The following MLPH variants were observed in gnomAD, a reference collection of about 807,000 sequenced individuals.
The protein encoded by MLPH is melanophilin, also known as exophilin-3.
A neutral mutation model predicts 72.1 loss-of-function variants in MLPH; 51 were observed. The observed-to-expected ratio is 0.71, with a 90% CI of 0.56 to 0.89. The LOEUF (loss-of-function observed/expected upper bound fraction) is 0.89. Ranked by LOEUF, MLPH falls within the 40% of genes least tolerant of loss-of-function variation. MLPH has a pLI of 0.00. For missense variants in MLPH, 743 were observed against 759.9 expected (o/e 0.98, Z 0.26); for synonymous variants, 301 against 310.1 (o/e 0.97, Z 0.31).
At chr2:237,509,106 G>A (rs564739873) in intron 2 of MLPH, among the ~76,000 whole-genome samples, 1 of 152,302 alleles carries the variant, frequency 6.6e-6, no homozygotes, top group Non-Finnish European at 1.5e-5. Context: ...GCTGGCAGAT[G>A]TCATTTGGTC....
chr2:237,551,586 G>A (rs1301082591), intron 14 of MLPH, among the ~76,000 whole-genome samples: 1 of 152,240 alleles, frequency 6.6e-6, no homozygotes, highest in African/African-American at 2.4e-5. Flanking sequence ...AGGATGTGAG[G>A]CCAGATGCCC....
intron 2 of MLPH, among the ~76,000 whole-genome samples, chr2:237,509,100 G>T (rs1457139057): frequency 2.6e-5 from 4 of 152,134 alleles, no homozygotes; most frequent in Non-Finnish European, 4.4e-5. Flanking sequence ...GGAGTGGCTG[G>T]CAGATGTCAT....
chr2:237,527,955 G>A (rs772192641), intron 8 of MLPH, among the ~76,000 whole-genome samples: 6 of 152,204 alleles, frequency 3.9e-5, no homozygotes, highest in Non-Finnish European at 7.3e-5. Flanking sequence ...CCCTAAAAAG[G>A]AAAGAAACGC....
chr2:237,492,395 A>G (rs1436924949), intron 1 of MLPH, among the ~76,000 whole-genome samples: 1 of 151,938 alleles, frequency 6.6e-6, no homozygotes, highest in Non-Finnish European at 1.5e-5. Flanking sequence ...TGGGAGGCCA[A>G]GGCAGAAGGA....
In MLPH at chr2:237,540,126, C is replaced by G. The variant is rs1376264768; in HGVS notation, c.1105-222C>G. ...GTCTTAGATAGCCAGGGGTGGTGGTCAGCTTTCCCTGGGAACCCCCAGCCC... is the reference window on the plus strand; with the variant it reads ...GTCTTAGATAGCCAGGGGTGGTGGTGAGCTTTCCCTGGGAACCCCCAGCCC... On this transcript the variant is annotated intron_variant, in intron 9 of 15. Transcript: ENST00000264605. 2.0e-5 allele frequency among the ~76,000 whole-genome samples: 3 copies of G among 152,224 alleles called. No individual in the cohort carries two copies. In the East Asian group the frequency reaches 5.8e-4, roughly 29 times the overall value.
chr2:237,533,390 CTTT>C (rs746139615), intron 8 of MLPH, among the ~76,000 whole-genome samples: 1,289 of 107,976 alleles, frequency 0.012, 6 homozygotes, highest in African/African-American at 0.033. Context: ...ATTTTCTTTT[CTTT>C]TTTTTTTTTT....
At chr2:237,550,469 G>C (rs1412876045) in intron 14 of MLPH, among the ~76,000 whole-genome samples, 1 of 152,218 alleles carries the variant, frequency 6.6e-6, no homozygotes, top group Non-Finnish European at 1.5e-5. Context: ...GCTGCCAGCA[G>C]GGGCTCCTGG....
chr2:237,498,802 A>G (rs929717423), intron 2 of MLPH, among the ~76,000 whole-genome samples: 3 of 152,240 alleles, frequency 2.0e-5, no homozygotes, highest in Non-Finnish European at 4.4e-5. Flanking sequence ...AGTGCTGTGC[A>G]CCATAGAATC....
At chr2:237,531,850 G>C (rs1436343091) in intron 8 of MLPH, among the ~76,000 whole-genome samples, 1 of 152,052 alleles carries the variant, frequency 6.6e-6, no homozygotes, top group African/African-American at 2.4e-5. Flanking sequence ...ACCTTGCAAA[G>C]GAACAGTGAC....
At chr2:237,521,561 C>T (rs1282491356) in intron 6 of MLPH, among the ~76,000 whole-genome samples, 1 of 151,798 alleles carries the variant, frequency 6.6e-6, no homozygotes, top group Non-Finnish European at 1.5e-5. Context: ...TTATAAGGCC[C>T]AGCTGACTTG....
At position 237,554,676 on chromosome 2, in the gene MLPH, G is replaced by C. The variant is rs1459256892; in HGVS notation, c.*1084G>C. The C allele has an allele frequency of 6.6e-6, 1 of 152,262 alleles. No homozygotes were observed. The highest frequency in any genetic ancestry group is 2.4e-5 in the African/African-American group (1 of 41,458). 9.4% of individuals were successfully genotyped at this position (152,262 alleles called of 1,614,324 possible). On this transcript the variant is annotated 3_prime_UTR_variant, in exon 16 of 16. Transcript: ENST00000264605. ...TTTGTCAGAGGGGGTGCTGAGAGGA[G>C]TGGCTTCTTTTAGAATCAAACAGTA...
intron 2 of MLPH, among the ~76,000 whole-genome samples, chr2:237,498,344 C>T (rs773295694): frequency 1.3e-5 from 2 of 152,220 alleles, no homozygotes; most frequent in South Asian, 2.1e-4. Flanking sequence ...GCATCAATCA[C>T]GTTGAAGGAC....
Position 237,505,978 on chromosome 2 carries a change from C to T in MLPH, c.111-4596C>T. On this transcript the variant is annotated intron_variant, in intron 2 of 15. Coordinates refer to ENST00000264605, the MANE Select transcript of MLPH (RefSeq NM_024101.7). This position sits in a 1 kb window ranked among gnomAD's most constrained non-coding sequence, Gnocchi z 4.5. ...TCCAGGGCTCTGTCTCCCCTGGGAG[C>T]TCACTTTCTCGGCCTTTGCCATCAT... 8.3e-6 allele frequency among the ~76,000 whole-genome samples: 1 copy of T among 120,200 alleles called. No homozygotes were observed. The highest frequency in any genetic ancestry group is 8.5e-5 in the African/African-American group (1 of 11,784). The allele number at this position is 120,200 out of a possible 152,430, so 78.9% of individuals were successfully genotyped here.
intron 2 of MLPH, among the ~76,000 whole-genome samples, chr2:237,497,514 CTT>C (rs2079559211): frequency 6.6e-6 from 1 of 152,214 alleles, no homozygotes; most frequent in East Asian, 1.9e-4. Context: ...GTGCAGGTGA[CTT>C]GAGCACCGCA....
chr2:237,553,420 C>T, intron 15 of MLPH, 146 bp from the exon 16 acceptor site: 1 of 815,604 alleles, frequency 1.2e-6, no homozygotes, highest in Non-Finnish European at 2.0e-6. Context: ...TGCATGTGTG[C>T]ACAAACGTGT....
At position 237,512,850 on chromosome 2, in the gene MLPH, G is replaced by A. The variant is rs768752351; in HGVS notation, c.445+1749G>A. Reference sequence around the variant, plus strand: ...TTTCAAAGGACGCAGTGTTTCCACAGCTCAGCCCAGAGCTGCTGGAGTTCA... The same window carrying A: ...TTTCAAAGGACGCAGTGTTTCCACAACTCAGCCCAGAGCTGCTGGAGTTCA... On this transcript the variant is annotated intron_variant, in intron 4 of 15. Coordinates refer to ENST00000264605, the MANE Select transcript of MLPH (RefSeq NM_024101.7). The surrounding 1 kb of genome is among the most constrained non-coding windows in gnomAD (Gnocchi z 5.5). 1.3e-5 allele frequency among the ~76,000 whole-genome samples: 2 copies of A among 152,280 alleles called. No homozygotes were observed. The highest frequency in any genetic ancestry group is 2.4e-5 in the African/African-American group (1 of 41,572).
intron 9 of MLPH, among the ~76,000 whole-genome samples, chr2:237,539,014 G>T (rs2080603753): frequency 6.6e-6 from 1 of 152,232 alleles, no homozygotes; most frequent in African/African-American, 2.4e-5. Context: ...AGCCGCTGCA[G>T]GAGACAGCCC....
intron 2 of MLPH, among the ~76,000 whole-genome samples, chr2:237,500,882 C>A (rs1658223952): frequency 6.6e-6 from 1 of 152,072 alleles, no homozygotes; most frequent in African/African-American, 2.4e-5. Flanking sequence ...CTTGTGGACA[C>A]CACAGGAATC....
intron 9 of MLPH, among the ~76,000 whole-genome samples, chr2:237,534,863 C>A (rs1241134791): frequency 5.9e-5 from 9 of 152,124 alleles, no homozygotes; most frequent in East Asian, 1.9e-4. Context: ...ACCTCTCATG[C>A]CCAGAGCTTG....
Sources: gnomAD v4.1 joint callset for allele counts (sites outside exome capture counted in the v4.1 genomes callset) on GRCh38, gnomAD v4.1.1 for gene constraint, Gnocchi (gnomAD v3.1) non-coding constraint, MANE v1.5 for transcripts, NCBI Gene and HGNC (gene_info 2026-07-23, HGNC 2026-07-21) for gene names.